MSTO1: variants seen among roughly 807,000 people sequenced by gnomAD.
MSTO1 encodes protein misato homolog 1.
In MSTO1, 24 loss-of-function variants were observed where a neutral mutation model predicts 55.7. That is an observed-to-expected ratio of 0.43 (90% CI 0.31 to 0.61). The LOEUF is 0.61. MSTO1 is among the 20% of genes least tolerant of loss of function. The pLI is 0.09. For missense variants in MSTO1, 363 were observed against 625.7 expected (o/e 0.58, Z 4.48); for synonymous variants, 162 against 252.8 (o/e 0.64, Z 3.41).
Position 155,614,521 on chromosome 1 carries a change from A to G in MSTO1, c.*248A>G. 1 of 631,534 alleles carries G rather than the reference A, an allele frequency of 1.6e-6. No homozygotes were observed. Among genetic ancestry groups the G allele is most frequent in the South Asian group, 2.0e-5 (1 of 50,642 alleles). The allele number at this position is 631,534 out of a possible 1,614,324, so 39.1% of individuals were successfully genotyped here. On this transcript the variant is annotated 3_prime_UTR_variant, in exon 14 of 14. Transcript: ENST00000245564. ...TACAGAGGACATCTGTAAAGTCTTC[A>G]TAAAAGACCTTGAATGATGCCTAGG... is the stretch of plus-strand genomic sequence containing the variant.
the MSTO1 span, chr1:155,591,004 G>A: frequency 9.3e-6 from 15 of 1,613,954 alleles, no homozygotes; most frequent in Non-Finnish European, 1.2e-5. Flanking sequence ...CACAAGGAGG[G>A]TGATGACACA....
chr1:155,596,204 A>C, the MSTO1 span, among the ~76,000 whole-genome samples: 1 of 152,218 alleles, frequency 6.6e-6, no homozygotes, highest in African/African-American at 2.4e-5. Flanking sequence ...CACAAAATGA[A>C]GTAGAATAAA....
chr1:155,589,610 G>C, the MSTO1 span, among the ~76,000 whole-genome samples: 1 of 152,174 alleles, frequency 6.6e-6, no homozygotes, highest in Non-Finnish European at 1.5e-5. Context: ...CCTTCAGTCT[G>C]TGGCTAAAGG....
chr1:155,575,840 T>A, the MSTO1 span, among the ~76,000 whole-genome samples: 536 of 138,594 alleles, frequency 3.9e-3, 4 homozygotes, highest in African/African-American at 0.015. Context: ...TTATTTATTT[T>A]TGAGACAGAG....
rs1674679303 is a variant in MSTO1 at position 155,613,195 on chromosome 1, A to G, written c.1245A>G (p.Ser415=). The change falls in exon 11 of 14, where the codon TCA becomes TCG. Residue 415 remains serine (S), a synonymous_variant. Coordinates refer to ENST00000245564, the MANE Select transcript of MSTO1 (RefSeq NM_018116.4). Reference sequence around the variant, plus strand: ...CTGGAACACGTTGCTTTGCCCAGTCAGTGGTGCTGAGGGGTATAGACAGAG... The same window carrying G: ...CTGGAACACGTTGCTTTGCCCAGTCGGTGGTGCTGAGGGGTATAGACAGAG... ...EPSGTRCFAQ[S]VVLRGIDRAC... is the part of the protein sequence containing the mutation. 6.2e-7 allele frequency: 1 copy of G among 1,614,122 alleles called. No individual in the cohort carries two copies. Among genetic ancestry groups the G allele is most frequent in the African/African-American group, 1.3e-5 (1 of 75,016 alleles).
the MSTO1 span, among the ~76,000 whole-genome samples, chr1:155,602,417 G>A: frequency 1.5e-4 from 23 of 152,218 alleles, no homozygotes; most frequent in Admixed American, 9.2e-4. Context: ...CAGAGGTTGC[G>A]GTGAGCGGAG....
chr1:155,613,274 G>A (rs1325352357), intron 11 of MSTO1, 41 bp downstream of exon 11: 2 of 1,598,112 alleles, frequency 1.3e-6, no homozygotes, highest in East Asian at 2.2e-5. Context: ...TCAGATTTTT[G>A]TCTCATATCC....
the MSTO1 span, among the ~76,000 whole-genome samples, chr1:155,578,302 G>A: frequency 2.0e-5 from 3 of 149,934 alleles, no homozygotes; most frequent in Admixed American, 1.3e-4. Context: ...ATTTATGGGG[G>A]AGGGGTGGGG....
the MSTO1 span, among the ~76,000 whole-genome samples, chr1:155,566,842 C>T: frequency 1.3e-5 from 2 of 151,724 alleles, no homozygotes; most frequent in African/African-American, 2.4e-5. Flanking sequence ...CTTGAACTCC[C>T]GACCTCAGGT....
chr1:155,570,751 A>G, the MSTO1 span, among the ~76,000 whole-genome samples: 1 of 152,102 alleles, frequency 6.6e-6, no homozygotes, highest in East Asian at 1.9e-4. Context: ...GTATATACCT[A>G]TAGGAAAAAA....
the MSTO1 span, among the ~76,000 whole-genome samples, chr1:155,588,586 A>G: frequency 6.6e-6 from 1 of 152,196 alleles, no homozygotes; most frequent in African/African-American, 2.4e-5. Flanking sequence ...ACGAGATGCC[A>G]GGTCTGTCTG....
chr1:155,600,540 T>C, the MSTO1 span, among the ~76,000 whole-genome samples: 1 of 151,396 alleles, frequency 6.6e-6, no homozygotes, highest in Non-Finnish European at 1.5e-5. Context: ...ATTGTGTGCA[T>C]CCATATTTTT....
At chr1:155,591,977 C>T in the MSTO1 span, among the ~76,000 whole-genome samples, 2 of 152,132 alleles carry the variant, frequency 1.3e-5, no homozygotes, top group Admixed American at 1.3e-4. Context: ...CATCACATTA[C>T]TGTAGAAATA....
the MSTO1 span, among the ~76,000 whole-genome samples, chr1:155,597,006 C>G: frequency 6.6e-6 from 1 of 151,974 alleles, no homozygotes; most frequent in African/African-American, 2.4e-5. Context: ...ACTTGTGAGG[C>G]TGAGGTTGGA....
At chr1:155,563,591 C>T in the MSTO1 span, 1 of 456,434 alleles carries the variant, frequency 2.2e-6, no homozygotes, top group African/African-American at 2.0e-5. Flanking sequence ...CGCACTTACT[C>T]ATGGATGGTA....
At chr1:155,613,269 T>G (rs1254091204) in intron 11 of MSTO1, 36 bp downstream of exon 11, 24 of 1,600,518 alleles carry the variant, frequency 1.5e-5, no homozygotes, top group Non-Finnish European at 1.9e-5. Context: ...CCTTGTCAGA[T>G]TTTTGTCTCA....
At chr1:155,567,680 C>T in the MSTO1 span, among the ~76,000 whole-genome samples, 1 of 151,532 alleles carries the variant, frequency 6.6e-6, no homozygotes, top group African/African-American at 2.4e-5. Flanking sequence ...AGGTGATCCA[C>T]CCGTCTTGGC....
Position 155,612,188 on chromosome 1 carries a change from C to T in MSTO1, c.685C>T (p.Gln229Ter). 1 of 1,613,918 alleles carries T rather than the reference C, an allele frequency of 6.2e-7. No individual in the cohort carries two copies. Among genetic ancestry groups the T allele is most frequent in the Non-Finnish European group, 8.5e-7 (1 of 1,179,880 alleles). Reference sequence around the variant, plus strand: ...GTCACTCACCCCCGTCCAGGGCTTCCAGATCCTGTGTGACCTGCACGATGG... The same window carrying T: ...GTCACTCACCCCCGTCCAGGGCTTCTAGATCCTGTGTGACCTGCACGATGG... ...VEECDYLQGFQILCDLHDGFS... is the reference protein window; with the variant it reads ...VEECDYLQGF Residue 229 changes from glutamine to a stop codon, truncating the protein, a stop_gained, in exon 8 of 14, where the codon CAG becomes TAG. Transcript: ENST00000245564. LOFTEE classifies it high-confidence loss of function.
At chr1:155,605,126 T>C in the MSTO1 span, among the ~76,000 whole-genome samples, 1 of 152,076 alleles carries the variant, frequency 6.6e-6, no homozygotes, top group Non-Finnish European at 1.5e-5. Context: ...CCAGGCATGG[T>C]GGTGGGCACC....
Sources: gnomAD v4.1 joint callset for allele counts (sites outside exome capture counted in the v4.1 genomes callset) on GRCh38, gnomAD v4.1.1 for gene constraint, MANE v1.5 for transcripts, NCBI Gene and HGNC (gene_info 2026-07-23, HGNC 2026-07-21) for gene names.